Variants in NFATC1 observed in about 807,000 individuals in gnomAD.
The protein encoded by NFATC1 is nuclear factor of activated T-cells, cytoplasmic 1.
Under a neutral mutation model 76.0 loss-of-function variants are expected in NFATC1, and 22 were observed. That is an observed-to-expected ratio of 0.29 (90% confidence interval 0.21 to 0.41). The LOEUF is 0.41. Among genes scored for constraint, NFATC1 ranks in the 10% least tolerant of loss-of-function variants. The pLI is 1.00. For synonymous variants in NFATC1, 704 were observed against 613.1 expected (o/e 1.15, Z -2.19); for missense variants, 1,357 against 1,337.7 (o/e 1.01, Z -0.23).
chr18:79,467,900 C>T lies in NFATC1; in HGVS notation c.2092+318C>T, dbSNP rs146207807. 130 of 1,166,890 alleles carry T rather than the reference C, an allele frequency of 1.1e-4. 1 individual carries two copies. In the East Asian group the frequency reaches 6.7e-3, roughly 60 times the overall value. The allele number at this position is 1,166,890 out of a possible 1,614,324, so 72.3% of individuals were successfully genotyped here. On this transcript the variant is annotated intron_variant, in intron 8 of 9. Coordinates refer to ENST00000427363, the MANE Select transcript of NFATC1 (RefSeq NM_001278669.2). ...TTCTGCTCCAAAAAACTGAGGGGGT[C>T]CTGGTGTGCATTTGCACCCTAAAGC...
At chr18:79,496,894 CAGAG>C (rs763680705) in intron 9 of NFATC1, 3 of 152,240 alleles carry the variant, frequency 2.0e-5, no homozygotes, top group African/African-American at 7.2e-5. Flanking sequence ...AACTGAGGCT[CAGAG>C]AGATGCCGCT....
At chr18:79,422,773 T>C (rs926138393) in intron 2 of NFATC1, 6 of 152,248 alleles carry the variant, frequency 3.9e-5, no homozygotes, top group Admixed American at 2.0e-4. Flanking sequence ...AAGGAATGTT[T>C]CAGAGCCATG....
chr18:79,476,927 G>T (rs904847747), intron 8 of NFATC1, among the ~76,000 whole-genome samples: 2 of 152,224 alleles, frequency 1.3e-5, no homozygotes, highest in African/African-American at 4.8e-5. Flanking sequence ...AGAAACTCCA[G>T]TGAAGAGTCG....
intron 6 of NFATC1, among the ~76,000 whole-genome samples, chr18:79,458,438 CAG>C (rs1274573863): frequency 2.6e-5 from 4 of 152,194 alleles, no homozygotes; most frequent in Admixed American, 2.6e-4. Flanking sequence ...TTTGTGGAAA[CAG>C]TGGCTCAGCA....
chr18:79,457,725 AC>A (rs1401891099), intron 6 of NFATC1, among the ~76,000 whole-genome samples: 2 of 151,044 alleles, frequency 1.3e-5, no homozygotes, highest in Non-Finnish European at 3.0e-5. Context: ...CCCTTCCCCC[AC>A]CCCGGCTCCG....
intron 6 of NFATC1, among the ~76,000 whole-genome samples, chr18:79,458,552 G>A (rs1377386077): frequency 6.6e-6 from 1 of 152,254 alleles, no homozygotes; most frequent in Non-Finnish European, 1.5e-5. Context: ...CCTCGCGGGT[G>A]TGGCAGGGAA....
In NFATC1 at chr18:79,411,274, C is replaced by T; in HGVS notation, c.999C>T (p.Val333=). The change falls in exon 2 of 10, where the codon GTC becomes GTT. Residue 333 remains valine (V), a synonymous_variant. Coordinates refer to ENST00000427363, the MANE Select transcript of NFATC1 (RefSeq NM_001278669.2). ...TGGACCTGGGAGATGGCGTCCCTGT[C>T]AAGTCCCGCAAGACCACCCTGGAGC... ...SSLDLGDGVP[V]KSRKTTLEQP... 6.2e-7 allele frequency: 1 copy of T among 1,603,272 alleles called. No homozygotes were observed. Among genetic ancestry groups the T allele is most frequent in the Middle Eastern group, 1.7e-4 (1 of 6,058 alleles).
chr18:79,415,439 C>T (rs1203463395), intron 2 of NFATC1, among the ~76,000 whole-genome samples: 8 of 152,014 alleles, frequency 5.3e-5, no homozygotes, highest in South Asian at 2.1e-4. Flanking sequence ...CCCACCACCG[C>T]GCCCGGCTAT....
In NFATC1 at chr18:79,465,808, C is replaced by T. The variant is rs1187855725; in HGVS notation, c.1960-1642C>T. On this transcript the variant is annotated intron_variant, in intron 7 of 9. Coordinates refer to ENST00000427363, the MANE Select transcript of NFATC1 (RefSeq NM_001278669.2). The surrounding 1 kb of genome is among the most constrained non-coding windows in gnomAD (Gnocchi z 4.2). ...TTTATCCCCCGTACAAATGCCGAGA[C>T]AGGCTCCGGGTGGCCAGAGCTTCCC... is the stretch of plus-strand genomic sequence containing the variant. Among the ~76,000 whole-genome samples the T allele has an allele frequency of 1.3e-5, 2 of 152,246 alleles. No individual in the cohort carries two copies. Among genetic ancestry groups the T allele is most frequent in the Non-Finnish European group, 2.9e-5 (2 of 68,050 alleles).
intron 1 of NFATC1, among the ~76,000 whole-genome samples, chr18:79,409,610 C>T (rs146561806): frequency 2.0e-5 from 3 of 152,284 alleles, no homozygotes; most frequent in East Asian, 1.9e-4. Context: ...CATCCATCTA[C>T]CTACTCTCCA....
rs543676103 is a variant in NFATC1, at chr18:79,475,637, G to A, written c.2092+8055G>A. On this transcript the variant is annotated intron_variant, in intron 8 of 9. Coordinates refer to ENST00000427363, the MANE Select transcript of NFATC1 (RefSeq NM_001278669.2). The stretch of plus-strand genomic sequence containing the variant: ...CGTTGTGAGGGAAGCGTGTTCTCAC[G>A]CTCACTGTCAACGTTGTAAACCTGA... Among the ~76,000 whole-genome samples, 8 of 152,338 alleles carry A rather than the reference G, an allele frequency of 5.3e-5. No individual in the cohort carries two copies. The South Asian group carries it at 1.0e-3, about 20-fold the overall frequency.
At chr18:79,475,347 G>C (rs2089018354) in intron 8 of NFATC1, among the ~76,000 whole-genome samples, 1 of 146,834 alleles carries the variant, frequency 6.8e-6, no homozygotes, top group South Asian at 2.2e-4. Flanking sequence ...TCAACGTTGT[G>C]AGGGAAGGGT....
At chr18:79,448,460 G>A in intron 3 of NFATC1, 1 of 383,306 alleles carries the variant, frequency 2.6e-6, no homozygotes, top group Admixed American at 4.4e-5. Context: ...CCTTGCACAT[G>A]GCTCAGCGAG....
intron 1 of NFATC1, among the ~76,000 whole-genome samples, chr18:79,406,894 A>G (rs2085460947): frequency 6.6e-6 from 1 of 151,844 alleles, no homozygotes; most frequent in African/African-American, 2.4e-5. Context: ...TGCGGGGCAG[A>G]CGTCAGGGCT....
intron 9 of NFATC1, among the ~76,000 whole-genome samples, chr18:79,490,989 A>G (rs531091265): frequency 2.4e-4 from 37 of 152,108 alleles, no homozygotes; most frequent in African/African-American, 8.4e-4. Flanking sequence ...CTCCATGGAA[A>G]TGCGGGGGTG....
At chr18:79,488,778 A>T (rs2089596330) in intron 9 of NFATC1, among the ~76,000 whole-genome samples, 1 of 152,030 alleles carries the variant, frequency 6.6e-6, no homozygotes, top group African/African-American at 2.4e-5. Context: ...CGGCTGGGAG[A>T]TGCTGAGAAA....
At chr18:79,452,049 C>T (rs535519900) in intron 6 of NFATC1, 46 of 447,570 alleles carry the variant, frequency 1.0e-4, no homozygotes, top group East Asian at 4.5e-4. Flanking sequence ...CTGGGGCCGC[C>T]GGGGCCACTG....
chr18:79,498,036 G>C lies in NFATC1; in HGVS notation c.2782+11099G>C, dbSNP rs999213291. ...GCAACAACCAAGGAGAGGGGAAGCCGAGAAACAACAAGTCCTATTTGGAGG... is the reference window on the plus strand; with the variant it reads ...GCAACAACCAAGGAGAGGGGAAGCCCAGAAACAACAAGTCCTATTTGGAGG... On this transcript the variant is annotated intron_variant, in intron 9 of 9. Coordinates refer to ENST00000427363, the MANE Select transcript of NFATC1 (RefSeq NM_001278669.2). 3.2e-5 allele frequency: 4 copies of C among 125,872 alleles called. 1 individual carries two copies. The highest frequency in any genetic ancestry group is 3.9e-3 in the Middle Eastern group (1 of 258). 7.8% of individuals were successfully genotyped at this position (125,872 alleles called of 1,614,324 possible).
chr18:79,424,875 CTG>C (rs2086243301), intron 2 of NFATC1, among the ~76,000 whole-genome samples: 1 of 139,720 alleles, frequency 7.2e-6, no homozygotes, highest in Non-Finnish European at 1.7e-5. Flanking sequence ...CTCTCCATCT[CTG>C]TCTCTTTCTC....
Sources: allele counts gnomAD v4.1 joint callset (sites outside exome capture counted in the v4.1 genomes callset), GRCh38; gene constraint gnomAD v4.1.1; non-coding constraint Gnocchi (gnomAD v3.1); transcripts MANE v1.5; gene names NCBI Gene and HGNC (gene_info 2026-07-23, HGNC 2026-07-21).